The following LRP1B variants were observed in gnomAD, a reference collection of about 807,000 sequenced individuals.
LRP1B encodes the protein LDL receptor related protein 1B.
In LRP1B, 217 loss-of-function variants were observed where a neutral mutation model predicts 556.6. That is an observed-to-expected ratio of 0.39 (90% CI 0.35 to 0.44). The LOEUF is 0.44. LRP1B is among the 20% of genes least tolerant of loss of function. The probability of loss-of-function intolerance (pLI) is 1.00; values close to 1 mark genes in which losing one functional copy is unlikely to be tolerated. For missense variants in LRP1B, 5,053 were observed against 5,620.8 expected (o/e 0.90, Z 3.23); for synonymous variants, 2,047 against 1,865.8 (o/e 1.10, Z -2.50).
chr2:140,630,678 CCCT>C (rs1325079895), intron 41 of LRP1B, among the ~76,000 whole-genome samples: 1 of 152,056 alleles, frequency 6.6e-6, no homozygotes, highest in Non-Finnish European at 1.5e-5. Flanking sequence ...AGAAAAAAAA[CCCT>C]CATGTTTCTG....
At chr2:140,683,824 G>A in intron 41 of LRP1B, 1 of 669,896 alleles carries the variant, frequency 1.5e-6, no homozygotes, top group African/African-American at 1.8e-5. Context: ...TGCCTTCCAT[G>A]CGCTAGGCAG....
At chr2:141,543,596 A>G (rs1685350152) in intron 2 of LRP1B, among the ~76,000 whole-genome samples, 1 of 151,506 alleles carries the variant, frequency 6.6e-6, no homozygotes, top group Admixed American at 6.6e-5. Context: ...ATGGTTGCAC[A>G]CATCTGTAGT....
intron 2 of LRP1B, 106 bp downstream of exon 2, chr2:141,810,173 G>GAAGT (rs1558891182): frequency 4.1e-6 from 3 of 725,904 alleles, no homozygotes; most frequent in East Asian, 3.4e-5. Flanking sequence ...AAGAAGGAAA[G>GAAGT]AAAGAAAGAA....
chr2:140,427,870 C>T (rs1231386350), intron 66 of LRP1B, among the ~76,000 whole-genome samples: 2 of 152,104 alleles, frequency 1.3e-5, no homozygotes, highest in Non-Finnish European at 1.5e-5. Context: ...ATCCTTTTAT[C>T]ACCTCCCTTC....
rs147650574 is a variant in LRP1B at position 141,740,065 on chromosome 2, G to A, written c.205+70214C>T. Among the ~76,000 whole-genome samples, 648 of 152,248 alleles carry A rather than the reference G, an allele frequency of 4.3e-3. 2 individuals carry two copies. Among genetic ancestry groups the A allele is most frequent in the Non-Finnish European group, 7.7e-3 (521 of 67,972 alleles). On this transcript the variant is annotated intron_variant, in intron 2 of 90. Transcript: ENST00000389484. ...ATAAGAGGTTTGCGAATCCTTGGAA[G>A]AGGGAATTTTAGCTACTCAAAACCA...
chr2:141,578,840 A>G (rs572059316), intron 2 of LRP1B, among the ~76,000 whole-genome samples: 6 of 152,268 alleles, frequency 3.9e-5, no homozygotes, highest in African/African-American at 1.4e-4. Flanking sequence ...ATTACCCATA[A>G]GTAAAATGAA....
intron 3 of LRP1B, among the ~76,000 whole-genome samples, chr2:141,270,781 G>A (rs1685060444): frequency 6.6e-6 from 1 of 151,776 alleles, no homozygotes; most frequent in Non-Finnish European, 1.5e-5. Flanking sequence ...AGAGGGTAGG[G>A]GAAACAAGAA....
chr2:142,125,829 C>A (rs1707626040), intron 1 of LRP1B, among the ~76,000 whole-genome samples: 1 of 151,794 alleles, frequency 6.6e-6, no homozygotes, highest in African/African-American at 2.4e-5. Flanking sequence ...TCCCTACTCT[C>A]CCCCCTCCTC....
rs114222185 is a variant in LRP1B, at chr2:141,089,942, T to C, written c.1014-27669A>G. Among the ~76,000 whole-genome samples the C allele has an allele frequency of 5.5e-3, 838 of 152,216 alleles. 11 individuals carry two copies. The highest frequency in any genetic ancestry group is 0.019 in the African/African-American group (770 of 41,510). On this transcript the variant is annotated intron_variant, in intron 7 of 90. Coordinates refer to ENST00000389484, the MANE Select transcript of LRP1B (RefSeq NM_018557.3). ...TGTAGTGCCTCCAAGAATATGATAG[T>C]GAAAAGGGTTATATTCTTCTAATCA...
At chr2:141,727,464 T>C (rs949507973) in intron 2 of LRP1B, among the ~76,000 whole-genome samples, 1 of 152,176 alleles carries the variant, frequency 6.6e-6, no homozygotes, top group African/African-American at 2.4e-5. Flanking sequence ...TGCCCACTAC[T>C]TCTCCAGTAC....
intron 46 of LRP1B, among the ~76,000 whole-genome samples, chr2:140,534,755 C>T (rs1196457358): frequency 6.6e-6 from 1 of 152,110 alleles, no homozygotes; most frequent in South Asian, 2.1e-4. Context: ...ATAATAGCTG[C>T]CACGTATTAA....
chr2:141,000,672 T>C (rs1227210805), intron 15 of LRP1B, among the ~76,000 whole-genome samples: 2 of 152,090 alleles, frequency 1.3e-5, no homozygotes, highest in Non-Finnish European at 2.9e-5. Flanking sequence ...TCATCTTTCA[T>C]TTTCTTTTGA....
At chr2:140,311,435 A>T (rs1254131384) in intron 83 of LRP1B, among the ~76,000 whole-genome samples, 3 of 151,872 alleles carry the variant, frequency 2.0e-5, no homozygotes, top group African/African-American at 7.2e-5. Flanking sequence ...CAGAAAGTCT[A>T]TTACCACCTG....
intron 18 of LRP1B, among the ~76,000 whole-genome samples, chr2:140,971,202 C>T (rs762479394): frequency 1.1e-4 from 17 of 152,214 alleles, no homozygotes; most frequent in Non-Finnish European, 1.6e-4. Context: ...GGCTTTAAAA[C>T]ACTGGTGTCT....
intron 1 of LRP1B, among the ~76,000 whole-genome samples, chr2:142,100,891 C>T (rs1380524159): frequency 6.6e-6 from 1 of 151,718 alleles, no homozygotes; most frequent in African/African-American, 2.4e-5. Context: ...CTTCCTTTTG[C>T]TTTGAGAACA....
chr2:140,288,830 A>G (rs1683264264), intron 84 of LRP1B, among the ~76,000 whole-genome samples: 1 of 151,852 alleles, frequency 6.6e-6, no homozygotes. Flanking sequence ...ACCTACAACT[A>G]AGTGACTTTG....
At chr2:141,015,596 A>T in intron 13 of LRP1B, 100 bp downstream of exon 13, 1 of 963,674 alleles carries the variant, frequency 1.0e-6, no homozygotes, top group African/African-American at 1.6e-5. Flanking sequence ...GCCACCTCAG[A>T]GGAGTAAAAA....
At chr2:141,963,538 C>T (rs1701467368) in intron 1 of LRP1B, among the ~76,000 whole-genome samples, 1 of 151,738 alleles carries the variant, frequency 6.6e-6, no homozygotes, top group South Asian at 2.1e-4. Flanking sequence ...TGACAAAATT[C>T]AACAACCCTT....
At position 141,372,364 on chromosome 2, in the gene LRP1B, T is replaced by C. The variant is rs556569143; in HGVS notation, c.343+108032A>G. ...ATTTTCTTATTTTGTTATATCTTTG[T>C]TTGGGTTTCATATCAGGGTGATACT... is the stretch of plus-strand genomic sequence containing the variant. On this transcript the variant is annotated intron_variant, in intron 3 of 90. Coordinates refer to ENST00000389484, the MANE Select transcript of LRP1B (RefSeq NM_018557.3). Among the ~76,000 whole-genome samples, 51 of 152,194 alleles carry C rather than the reference T, an allele frequency of 3.4e-4. 1 individual carries two copies. Among genetic ancestry groups the C allele is most frequent in the African/African-American group, 1.2e-3 (50 of 41,546 alleles).
Sources: allele counts gnomAD v4.1 joint callset (sites outside exome capture counted in the v4.1 genomes callset), GRCh38; gene constraint gnomAD v4.1.1; transcripts MANE v1.5; gene names NCBI Gene and HGNC (gene_info 2026-07-23, HGNC 2026-07-21).